The following PARVA variants were observed in gnomAD, a reference collection of about 807,000 sequenced individuals.
The protein encoded by PARVA is alpha-parvin.
PARVA carries 25 observed loss-of-function variants against 52.6 expected under a neutral mutation model. The ratio of observed to expected loss-of-function variants is 0.48; its 90% CI spans 0.35 to 0.66. The LOEUF is 0.66. PARVA is among the 30% of genes least tolerant of loss of function. The pLI is 0.01. For missense variants in PARVA, 373 were observed against 450.9 expected, an observed-to-expected ratio of 0.83 and a Z score of 1.56; for synonymous variants, 185 against 179.1, an observed-to-expected ratio of 1.03 and a Z score of -0.26.
At chr11:12,498,179 G>A (rs902049659) in intron 5 of PARVA, among the ~76,000 whole-genome samples, 1 of 151,680 alleles carries the variant, frequency 6.6e-6, no homozygotes, top group African/African-American at 2.4e-5. Context: ...GATTACAGGC[G>A]TGTGCCACCA....
At chr11:12,401,885 G>A (rs1939833586) in intron 1 of PARVA, among the ~76,000 whole-genome samples, 1 of 152,206 alleles carries the variant, frequency 6.6e-6, no homozygotes, top group South Asian at 2.1e-4. Context: ...GTGATTGCTT[G>A]TGTCAAATCT....
chr11:12,467,910 A>G (rs754113786), intron 1 of PARVA, among the ~76,000 whole-genome samples: 1 of 152,120 alleles, frequency 6.6e-6, no homozygotes. Context: ...CTGCTATTCC[A>G]TTCCTCACCC....
intron 8 of PARVA, 89 bp downstream of exon 8, chr11:12,511,622 C>T: frequency 1.5e-6 from 2 of 1,376,186 alleles, no homozygotes; most frequent in Admixed American, 1.8e-5. Context: ...AGGCTCTCAG[C>T]TTGTCACCTG....
rs570933957 is a variant in PARVA, at chr11:12,530,872, C to G, written c.*2947C>G. On this transcript the variant is annotated 3_prime_UTR_variant, in exon 13 of 13. Transcript: ENST00000334956. The stretch of plus-strand genomic sequence containing the variant: ...GCTAGGAAAGGAAAAAAGCCCTAGC[C>G]GAAGGAGGAAAGGCTGCCTAGACAA... 6.6e-6 allele frequency: 1 copy of G among 152,040 alleles called. No individual in the cohort carries two copies. The allele number at this position is 152,040 out of a possible 1,614,324, so 9.4% of individuals were successfully genotyped here. A position where few individuals can be genotyped will look rare whatever the true frequency, so the allele number is the denominator to read the frequency against.
At chr11:12,438,159 C>T (rs1367446720) in intron 1 of PARVA, among the ~76,000 whole-genome samples, 2 of 151,162 alleles carry the variant, frequency 1.3e-5, no homozygotes, top group African/African-American at 4.9e-5. Flanking sequence ...ACTTGGGAGG[C>T]TGAGGCAGGA....
intron 1 of PARVA, among the ~76,000 whole-genome samples, chr11:12,387,178 G>C (rs1008658747): frequency 6.6e-6 from 1 of 152,198 alleles, no homozygotes; most frequent in African/African-American, 2.4e-5. Flanking sequence ...CTTTTAAAAA[G>C]TATGTGTAAA....
intron 6 of PARVA, among the ~76,000 whole-genome samples, chr11:12,508,159 C>T (rs961077944): frequency 1.3e-5 from 2 of 149,966 alleles, no homozygotes; most frequent in African/African-American, 2.5e-5. Context: ...GTCTGAATTC[C>T]TAGTTGGCCT....
chr11:12,482,517 T>C (rs1941101979), intron 4 of PARVA, among the ~76,000 whole-genome samples: 1 of 151,520 alleles, frequency 6.6e-6, no homozygotes, highest in Non-Finnish European at 1.5e-5. Context: ...TCCCAGCTAC[T>C]TGGGAGGCTG....
At chr11:12,517,934 C>T (rs1047447498) in intron 11 of PARVA, among the ~76,000 whole-genome samples, 4 of 152,194 alleles carry the variant, frequency 2.6e-5, no homozygotes, top group Non-Finnish European at 5.9e-5. Flanking sequence ...AAGCCTGGCC[C>T]GGGTCCCCTG....
At chr11:12,428,768 G>C (rs1940273736) in intron 1 of PARVA, among the ~76,000 whole-genome samples, 1 of 152,156 alleles carries the variant, frequency 6.6e-6, no homozygotes, top group African/African-American at 2.4e-5. Flanking sequence ...CCTTTCAAAG[G>C]CTCGGAGAAA....
At chr11:12,481,020 G>A (rs1471550809) in intron 4 of PARVA, among the ~76,000 whole-genome samples, 1 of 152,086 alleles carries the variant, frequency 6.6e-6, no homozygotes, top group Non-Finnish European at 1.5e-5. Flanking sequence ...CACATTGTCA[G>A]GGTGGTATCT....
In PARVA at chr11:12,421,605, C is replaced by T. The variant is rs540657420; in HGVS notation, c.136+43822C>T. Among the ~76,000 whole-genome samples the T allele has an allele frequency of 6.6e-5, 10 of 152,292 alleles. No individual in the cohort carries two copies. In the East Asian group the frequency reaches 7.7e-4, roughly 12 times the overall value. The stretch of plus-strand genomic sequence containing the variant: ...ATGGTGGTATCACAGCTGTCCAGGC[C>T]GTGCTCTGTGGACAGATCAGTGATG... On this transcript the variant is annotated intron_variant, in intron 1 of 12. Coordinates refer to ENST00000334956, the MANE Select transcript of PARVA (RefSeq NM_018222.5).
intron 7 of PARVA, 40 bp downstream of exon 7, chr11:12,508,682 A>G: frequency 7.2e-7 from 1 of 1,395,310 alleles, no homozygotes; most frequent in Non-Finnish European, 1.0e-6. Context: ...CTGTAATGGA[A>G]CACAGATGTT....
upstream of PARVA, chr11:12,377,547 T>C: frequency 6.8e-7 from 1 of 1,474,076 alleles, no homozygotes; most frequent in Non-Finnish European, 9.1e-7. Context: ...ATAATTCCGC[T>C]TCCGTTTGGA....
chr11:12,511,431 T>C, intron 7 of PARVA, 83 bp from the exon 8 acceptor site: 1 of 1,466,032 alleles, frequency 6.8e-7, no homozygotes, highest in South Asian at 1.2e-5. Flanking sequence ...CTTCCAGCAG[T>C]GATGGAGTGT....
At chr11:12,436,178 A>G (rs1191530984) in intron 1 of PARVA, among the ~76,000 whole-genome samples, 1 of 152,184 alleles carries the variant, frequency 6.6e-6, no homozygotes, top group African/African-American at 2.4e-5. Flanking sequence ...GATTAGGGAT[A>G]ATGTGCATAT....
At chr11:12,387,048 C>A (rs1939583047) in intron 1 of PARVA, among the ~76,000 whole-genome samples, 1 of 152,166 alleles carries the variant, frequency 6.6e-6, no homozygotes. Context: ...AGCCATGAGT[C>A]CAGGAGAAGA....
At chr11:12,399,805 A>G (rs895534953) in intron 1 of PARVA, among the ~76,000 whole-genome samples, 9 of 152,174 alleles carry the variant, frequency 5.9e-5, no homozygotes, top group African/African-American at 2.2e-4. Context: ...AGCCATTTGG[A>G]AGATGTACCA....
At chr11:12,503,125 C>T (rs1297167515) in intron 5 of PARVA, among the ~76,000 whole-genome samples, 2 of 152,146 alleles carry the variant, frequency 1.3e-5, no homozygotes, top group African/African-American at 2.4e-5. Context: ...TTGGCAGCCC[C>T]CTGGCTCAGT....
Sources: allele counts gnomAD v4.1 joint callset (sites outside exome capture counted in the v4.1 genomes callset), GRCh38; gene constraint gnomAD v4.1.1; transcripts MANE v1.5; gene names NCBI Gene and HGNC (gene_info 2026-07-23, HGNC 2026-07-21).